GALNT18: variants seen among roughly 807,000 people sequenced by gnomAD.
The protein encoded by GALNT18 is GalNAc-transferase 18.
A neutral mutation model predicts 69.5 loss-of-function variants in GALNT18; 44 were observed. That is an observed-to-expected ratio of 0.63 (90% CI 0.50 to 0.81). GALNT18 has a LOEUF of 0.81. GALNT18 is among the 40% of genes least tolerant of loss of function. The pLI is 0.00. For missense variants in GALNT18, 715 were observed against 810.0 expected, an observed-to-expected ratio of 0.88 and a Z score of 1.42; for synonymous variants, 364 against 318.2, an observed-to-expected ratio of 1.14 and a Z score of -1.53.
chr11:11,608,911 T>C (rs948287946), intron 1 of GALNT18, among the ~76,000 whole-genome samples: 8 of 152,224 alleles, frequency 5.3e-5, no homozygotes, highest in African/African-American at 1.9e-4. Context: ...CAAAGATGTG[T>C]CATTAGTCCC....
chr11:11,506,281 C>T (rs1191967419), intron 1 of GALNT18, among the ~76,000 whole-genome samples: 1 of 152,212 alleles, frequency 6.6e-6, no homozygotes, highest in African/African-American at 2.4e-5. Context: ...CTAAGCTATT[C>T]ATGTATTTTG....
intron 9 of GALNT18, among the ~76,000 whole-genome samples, chr11:11,308,868 G>A (rs1241100741): frequency 2.0e-5 from 3 of 152,132 alleles, no homozygotes; most frequent in Admixed American, 2.0e-4. Context: ...CAATTCTGGG[G>A]TGGTATGCTG....
At position 11,591,871 on chromosome 11, in the gene GALNT18, G is replaced by T. The variant is rs569483268; in HGVS notation, c.235+29488C>A. ...TGATTAGATGTTATGAAGATTTAAG[G>T]GTTTTGAGTTTGATGTAACACAGTC... On this transcript the variant is annotated intron_variant, in intron 1 of 10. Coordinates refer to ENST00000227756, the MANE Select transcript of GALNT18 (RefSeq NM_198516.3). This position sits in a 1 kb window ranked among gnomAD's most constrained non-coding sequence, Gnocchi z 4.8. Among the ~76,000 whole-genome samples, 2 of 152,104 alleles carry T rather than the reference G, an allele frequency of 1.3e-5. No homozygotes were observed. The highest frequency in any genetic ancestry group is 2.9e-5 in the Non-Finnish European group (2 of 68,026).
chr11:11,274,382 C>T (rs533521772), intron 10 of GALNT18, among the ~76,000 whole-genome samples: 2 of 152,226 alleles, frequency 1.3e-5, no homozygotes, highest in Non-Finnish European at 2.9e-5. Flanking sequence ...AGCCAGGGAG[C>T]CAAGTGGTCT....
At chr11:11,438,432 ACT>A (rs1262763575) in intron 2 of GALNT18, among the ~76,000 whole-genome samples, 1 of 152,234 alleles carries the variant, frequency 6.6e-6, no homozygotes, top group Non-Finnish European at 1.5e-5. Context: ...ACTTCCATTT[ACT>A]GTTTACCATA....
chr11:11,482,540 C>A (rs1481177599), intron 1 of GALNT18, among the ~76,000 whole-genome samples: 2 of 152,218 alleles, frequency 1.3e-5, no homozygotes, highest in East Asian at 1.9e-4. Context: ...GAGCAAGACC[C>A]AGCCCTTTAT....
chr11:11,367,975 G>A (rs573602341), intron 6 of GALNT18, among the ~76,000 whole-genome samples: 3 of 152,186 alleles, frequency 2.0e-5, no homozygotes, highest in Admixed American at 1.3e-4. Context: ...CTGCCTGAAT[G>A]TTTAGCTCTA....
intron 1 of GALNT18, among the ~76,000 whole-genome samples, chr11:11,492,034 A>C (rs1041644698): frequency 1.3e-5 from 2 of 152,246 alleles, no homozygotes; most frequent in African/African-American, 4.8e-5. Flanking sequence ...AAAATGAAGA[A>C]TGTGGGATGC....
chr11:11,516,592 T>C (rs527264727), intron 1 of GALNT18, among the ~76,000 whole-genome samples: 7 of 152,218 alleles, frequency 4.6e-5, no homozygotes, highest in East Asian at 1.9e-4. Context: ...GATGACACCA[T>C]TGAACTCTAG....
chr11:11,354,691 G>A (rs1439472597), intron 6 of GALNT18, among the ~76,000 whole-genome samples: 1 of 152,134 alleles, frequency 6.6e-6, no homozygotes, highest in Non-Finnish European at 1.5e-5. Flanking sequence ...CTATACCACA[G>A]CTTTTCGGGA....
At chr11:11,286,936 G>A (rs972415192) in intron 10 of GALNT18, among the ~76,000 whole-genome samples, 6 of 152,110 alleles carry the variant, frequency 3.9e-5, no homozygotes, top group African/African-American at 1.2e-4. Flanking sequence ...TAGAATTTCA[G>A]GGTCCATAAG....
chr11:11,393,925 T>G (rs1156999308), intron 3 of GALNT18, among the ~76,000 whole-genome samples: 1 of 152,256 alleles, frequency 6.6e-6, no homozygotes, highest in Non-Finnish European at 1.5e-5. Context: ...ATGTCCTGTT[T>G]GTGTTCCTTT....
At position 11,377,193 on chromosome 11, in the gene GALNT18, T is replaced by C; in HGVS notation, c.966A>G (p.Thr322=). 6.2e-7 allele frequency: 1 copy of C among 1,613,040 alleles called. No individual in the cohort carries two copies. ...AAGGTTTGCTTTACCTGATTGGCGC[T>C]GTGGAGTTCTCCAGCTTCCACCAGG... is the stretch of plus-strand genomic sequence containing the variant. ...PKAWWKLENS[T]APIRSPALIG... The change falls in exon 5 of 11, where the codon ACA becomes ACG. Residue 322 remains threonine, a synonymous_variant. Coordinates refer to ENST00000227756, the MANE Select transcript of GALNT18 (RefSeq NM_198516.3). This position sits in a 1 kb window ranked among gnomAD's most constrained non-coding sequence, Gnocchi z 4.6.
At chr11:11,508,281 C>T (rs9943588) in intron 1 of GALNT18, among the ~76,000 whole-genome samples, 60,781 of 151,910 alleles carry the variant, frequency 0.4, 13,115 homozygotes, top group Non-Finnish European at 0.49. Flanking sequence ...TTAGAGGATA[C>T]GCTATTTGAG....
In GALNT18 at chr11:11,344,485, C is replaced by A. The variant is rs1328683648; in HGVS notation, c.1093-3481G>T. On this transcript the variant is annotated intron_variant, in intron 6 of 10. Transcript: ENST00000227756. ...TTGCAAAATGTTCTCAAACTTGTCA[C>A]CAAATTGTCCCTTAGACACGTGCTA... Among the ~76,000 whole-genome samples the A allele has an allele frequency of 2.0e-5, 3 of 152,222 alleles. No individual in the cohort carries two copies. The East Asian group carries it at 5.8e-4, about 29-fold the overall frequency.
At position 11,448,918 on chromosome 11, in the gene GALNT18, T is replaced by C; in HGVS notation, c.254A>G (p.Glu85Gly). The C allele has an allele frequency of 6.3e-7, 1 of 1,593,950 alleles. No homozygotes were observed. Among genetic ancestry groups the C allele is most frequent in the Non-Finnish European group, 8.5e-7 (1 of 1,170,572 alleles). Residue 85 changes from glutamate (E) to glycine (G), a missense_variant, in exon 2 of 11, where the codon GAG becomes GGG. Coordinates refer to ENST00000227756, the MANE Select transcript of GALNT18 (RefSeq NM_198516.3). Reference protein sequence around the residue: ...QHIQEAPAKPEEAEAEPFTDS... With the variant: ...QHIQEAPAKPGEAEAEPFTDS... ...TGTGAAGGGCTCGGCCTCTGCCTCC[T>C]CAGGCTTGGCAGGAGCCTCTGGAGA...
chr11:11,560,100 G>C (rs1387664843), intron 1 of GALNT18, among the ~76,000 whole-genome samples: 1 of 150,558 alleles, frequency 6.6e-6, no homozygotes, highest in Admixed American at 6.6e-5. Context: ...GGGATGGAAT[G>C]GAATAGAATA....
In GALNT18 at chr11:11,315,820, C is replaced by T. The variant is rs1445691259; in HGVS notation, c.1512+11266G>A. 2.6e-5 allele frequency among the ~76,000 whole-genome samples: 4 copies of T among 152,102 alleles called. No homozygotes were observed. The highest frequency in any genetic ancestry group is 9.7e-5 in the African/African-American group (4 of 41,404). ...CAGCCCTTATCTGACCTCATGTCCA[C>T]ACTCTTTCTACCACATTGCACATCC... On this transcript the variant is annotated intron_variant, in intron 9 of 10. Coordinates refer to ENST00000227756, the MANE Select transcript of GALNT18 (RefSeq NM_198516.3). The surrounding 1 kb of genome is among the most constrained non-coding windows in gnomAD (Gnocchi z 5.6).
rs561901753 is a variant in GALNT18 at position 11,530,792 on chromosome 11, C to T, written c.236-81856G>A. Reference sequence around the variant, plus strand: ...TTCTCTTGTCAACCAGCACCACAAACGTACTGTCCACTGGGTGCCCCACAG... The same window carrying T: ...TTCTCTTGTCAACCAGCACCACAAATGTACTGTCCACTGGGTGCCCCACAG... On this transcript the variant is annotated intron_variant, in intron 1 of 10. Coordinates refer to ENST00000227756, the MANE Select transcript of GALNT18 (RefSeq NM_198516.3). Among the ~76,000 whole-genome samples the T allele has an allele frequency of 5.9e-5, 9 of 152,304 alleles. No homozygotes were observed. The East Asian group carries it at 1.5e-3, about 26-fold the overall frequency.
Sources: allele counts gnomAD v4.1 joint callset (sites outside exome capture counted in the v4.1 genomes callset), GRCh38; gene constraint gnomAD v4.1.1; non-coding constraint Gnocchi (gnomAD v3.1); transcripts MANE v1.5; gene names NCBI Gene and HGNC (gene_info 2026-07-23, HGNC 2026-07-21).